TDO2: variants seen among roughly 807,000 people sequenced by gnomAD.
TDO2 encodes the protein tryptophan 2,3-dioxygenase.
In TDO2, 63 loss-of-function variants were observed where a neutral mutation model predicts 61.2. The observed-to-expected ratio is 1.03, with a 90% CI of 0.84 to 1.27. The LOEUF is 1.27. Ranked by LOEUF, TDO2 falls within the 50% of genes most tolerant of loss-of-function variation. TDO2 has a pLI of 0.00. For missense variants in TDO2, 494 were observed against 469.5 expected, an observed-to-expected ratio of 1.05 and a Z score of -0.48; for synonymous variants, 183 against 164.0, an observed-to-expected ratio of 1.12 and a Z score of -0.89.
chr4:155,909,587 G>C (rs1210080975), intron 5 of TDO2, among the ~76,000 whole-genome samples: 4 of 152,130 alleles, frequency 2.6e-5, no homozygotes, highest in Admixed American at 1.3e-4. Flanking sequence ...TAAAGTCTTA[G>C]CAGCAGTGAA....
chr4:155,909,954 T>C (rs1371146840), intron 5 of TDO2, 71 bp from the exon 6 acceptor site: 28 of 174,500 alleles, frequency 1.6e-4, no homozygotes, highest in Non-Finnish European at 2.6e-4. Flanking sequence ...CCCCCCCCTT[T>C]CTCTTCTCTG....
rs373716255 is a variant in TDO2, at chr4:155,919,995, G to T, written c.*5G>T. On this transcript the variant is annotated 3_prime_UTR_variant, in exon 12 of 12. Transcript: ENST00000536354. ...AGCAGTGATGAATCAGATTAAAATC[G>T]TCTGCAAAATCTATGAAGAATACTG... 11 of 1,610,726 alleles carry T rather than the reference G, an allele frequency of 6.8e-6. No homozygotes were observed. The African/African-American group carries it at 1.3e-4, about 20-fold the overall frequency.
chr4:155,914,970 C>A (rs1187660937), intron 8 of TDO2, among the ~76,000 whole-genome samples: 1 of 152,132 alleles, frequency 6.6e-6, no homozygotes, highest in Non-Finnish European at 1.5e-5. Flanking sequence ...TATGTGTTCT[C>A]TGGGCTTGGA....
intron 8 of TDO2, among the ~76,000 whole-genome samples, chr4:155,914,919 G>A (rs1268299380): frequency 6.6e-6 from 1 of 152,086 alleles, no homozygotes; most frequent in Non-Finnish European, 1.5e-5. Context: ...TCTTTTATTA[G>A]CTAAGTTTAG....
chr4:155,918,005 T>A (rs1445731443), intron 10 of TDO2, 144 bp from the exon 11 acceptor site: 2 of 733,750 alleles, frequency 2.7e-6, no homozygotes, highest in Non-Finnish European at 4.4e-6. Flanking sequence ...CATCTGGCTC[T>A]CATGTATGAG....
At chr4:155,905,723 C>T (rs956026473) in intron 3 of TDO2, 3 of 151,892 alleles carry the variant, frequency 2.0e-5, no homozygotes, top group African/African-American at 7.3e-5. Context: ...GGTCTGTGAC[C>T]CCAAAATATT....
At chr4:155,916,150 A>C (rs1742928851) in intron 9 of TDO2, among the ~76,000 whole-genome samples, 1 of 147,940 alleles carries the variant, frequency 6.8e-6, no homozygotes, top group South Asian at 2.2e-4. Context: ...CACTACACAA[A>C]TTAATCAAAT....
At position 155,905,151 on chromosome 4, in the gene TDO2, C is replaced by T; in HGVS notation, c.226C>T (p.His76Tyr). The T allele has an allele frequency of 1.9e-6, 3 of 1,585,580 alleles. No homozygotes were observed. The highest frequency in any genetic ancestry group is 1.2e-5 in the South Asian group (1 of 85,302). ...IHDEHLFIIT[H>Y]QAYELWFKQI... ...TGATGAACATCTTTTTATCATAACTCATCAAGGTAAGTTGCACAAAGGTTT... is the reference window on the plus strand; with the variant it reads ...TGATGAACATCTTTTTATCATAACTTATCAAGGTAAGTTGCACAAAGGTTT... The change falls in exon 3 of 12, where the codon CAT becomes TAT. Residue 76 changes from histidine to tyrosine, a missense_variant. By Grantham distance (83) the His-to-Tyr change is moderately conservative. Transcript: ENST00000536354.
intron 1 of TDO2, 57 bp downstream of exon 1, chr4:155,903,850 G>A (rs905876897): frequency 8.1e-6 from 13 of 1,595,238 alleles, no homozygotes; most frequent in South Asian, 3.3e-5. Context: ...TCAGGTGTGA[G>A]CATTTTAATT....
At chr4:155,912,714 A>G (rs1346985086) in intron 7 of TDO2, among the ~76,000 whole-genome samples, 1 of 152,124 alleles carries the variant, frequency 6.6e-6, no homozygotes, top group Admixed American at 6.5e-5. Flanking sequence ...CACTGCTTCA[A>G]TATCTACTTA....
chr4:155,914,490 G>A (rs1176825637), intron 8 of TDO2, 56 bp downstream of exon 8: 11 of 1,221,564 alleles, frequency 9.0e-6, no homozygotes, highest in Non-Finnish European at 1.1e-5. Context: ...ATGAGATCAA[G>A]ACATCATTTT....
chr4:155,905,527 T>C (rs982326412), intron 3 of TDO2: 3 of 170,706 alleles, frequency 1.8e-5, no homozygotes, highest in Non-Finnish European at 3.7e-5. Flanking sequence ...CATAATCCTA[T>C]ACAAATCTAG....
chr4:155,916,254 G>A (rs1461955965), intron 9 of TDO2, among the ~76,000 whole-genome samples: 1 of 136,114 alleles, frequency 7.3e-6, no homozygotes, highest in Admixed American at 8.1e-5. Flanking sequence ...TGCAAGCTCC[G>A]CCTCCCGGGT....
Position 155,918,245 on chromosome 4 carries a change from T to TG in TDO2, c.1067+10dup. On this transcript the variant is annotated splice_region_variant and intron_variant, in intron 11 of 11. Coordinates refer to ENST00000536354, the MANE Select transcript of TDO2 (RefSeq NM_005651.4). ...TACCTGCGATCAACTGTGAGGTAGGTGGGGAAATTCTCCTTTCTTCCTGGT... is the reference window on the plus strand; with the variant it reads ...TACCTGCGATCAACTGTGAGGTAGGTGGGGGAAATTCTCCTTTCTTCCTGGT... 6.2e-7 allele frequency: 1 copy of TG among 1,613,652 alleles called. No individual in the cohort carries two copies. Among genetic ancestry groups the TG allele is most frequent in the Non-Finnish European group, 8.5e-7 (1 of 1,179,662 alleles).
At chr4:155,907,583 C>G (rs1742740357) in intron 3 of TDO2, 139 bp from the exon 4 acceptor site, 1 of 592,710 alleles carries the variant, frequency 1.7e-6, no homozygotes, top group Non-Finnish European at 3.0e-6. Context: ...TTCTGGCACA[C>G]AATGGGACTA....
chr4:155,909,419 C>G (rs1171909793), intron 5 of TDO2, among the ~76,000 whole-genome samples: 1 of 151,994 alleles, frequency 6.6e-6, no homozygotes, highest in Non-Finnish European at 1.5e-5. Context: ...TAAATTTTAC[C>G]TGTACATTTC....
intron 2 of TDO2, 145 bp from the exon 3 acceptor site, chr4:155,904,922 G>A (rs746741320): frequency 3.5e-5 from 20 of 563,958 alleles, no homozygotes; most frequent in African/African-American, 1.4e-4. Flanking sequence ...GATGAGATTC[G>A]TCCATTGTTT....
chr4:155,918,060 C>A, intron 10 of TDO2, 89 bp from the exon 11 acceptor site: 1 of 1,265,676 alleles, frequency 7.9e-7, no homozygotes, highest in Non-Finnish European at 1.1e-6. Flanking sequence ...TTCTCAGAAG[C>A]AATTATCATT....
chr4:155,909,805 G>T (rs1742783730), intron 5 of TDO2, among the ~76,000 whole-genome samples: 1 of 147,560 alleles, frequency 6.8e-6, no homozygotes, highest in African/African-American at 2.5e-5. Flanking sequence ...CATTATGGTG[G>T]TTGATAATGT....
Sources: allele counts gnomAD v4.1 joint callset (sites outside exome capture counted in the v4.1 genomes callset), GRCh38; gene constraint gnomAD v4.1.1; transcripts MANE v1.5; gene names NCBI Gene and HGNC (gene_info 2026-07-23, HGNC 2026-07-21).